ASAP3: variants seen among roughly 807,000 people sequenced by gnomAD.
ASAP3 encodes the protein arf-GAP with SH3 domain, ANK repeat and PH domain-containing protein 3.
A neutral mutation model predicts 118.2 loss-of-function variants in ASAP3; 85 were observed. The ratio of observed to expected loss-of-function variants is 0.72; its 90% CI spans 0.60 to 0.86. The LOEUF (loss-of-function observed/expected upper bound fraction) is 0.86. Ranked by LOEUF, ASAP3 falls within the 40% of genes least tolerant of loss-of-function variation. The pLI, the probability that ASAP3 is intolerant of heterozygous loss-of-function variation, is 0.00. For synonymous variants in ASAP3, 432 were observed against 477.4 expected, an observed-to-expected ratio of 0.90 and a Z score of 1.24; for missense variants, 1,026 against 1,175.0, an observed-to-expected ratio of 0.87 and a Z score of 1.85.
At chr1:23,464,659 T>TAAAAAAAAAAAA (rs57655847) in intron 1 of ASAP3, among the ~76,000 whole-genome samples, 3 of 47,096 alleles carry the variant, frequency 6.4e-5, no homozygotes, top group African/African-American at 3.1e-4. Context: ...GACACTGTCT[T>TAAAAAAAAAAAA]AAAAAAAAAA....
intron 1 of ASAP3, among the ~76,000 whole-genome samples, chr1:23,464,765 C>T (rs1487093981): frequency 6.6e-6 from 1 of 150,812 alleles, no homozygotes; most frequent in Non-Finnish European, 1.5e-5. Context: ...GGGCCCTCAA[C>T]CAGCAGCAGG....
In ASAP3 at chr1:23,437,067, C is replaced by A. The variant is rs939161639; in HGVS notation, c.1343-23G>T. The A allele has an allele frequency of 1.2e-6, 2 of 1,604,684 alleles. No homozygotes were observed. Among genetic ancestry groups the A allele is most frequent in the Non-Finnish European group, 1.7e-6 (2 of 1,175,576 alleles). Reference sequence around the variant, plus strand: ...GGTCTGCAGAGGAAAGCAGCTGGAGCCTGGAGGTGCAGCCCCTCCCCTCCA... The same window carrying A: ...GGTCTGCAGAGGAAAGCAGCTGGAGACTGGAGGTGCAGCCCCTCCCCTCCA... On this transcript the variant is annotated intron_variant, in intron 14 of 24. Transcript: ENST00000336689. The surrounding 1 kb of genome is among the most constrained non-coding windows in gnomAD (Gnocchi z 6.1).
In ASAP3 at chr1:23,438,189, G is replaced by A. The variant is rs1430945590; in HGVS notation, c.1102+558C>T. On this transcript the variant is annotated intron_variant, in intron 12 of 24. Coordinates refer to ENST00000336689, the MANE Select transcript of ASAP3 (RefSeq NM_017707.4). This position sits in a 1 kb window ranked among gnomAD's most constrained non-coding sequence, Gnocchi z 4.9. ...ACTGTCTCCTCCAGGAGCCTTTCCT[G>A]ATTCCCCACAGCAGTGCAGGCCTTC... Among the ~76,000 whole-genome samples, 14 of 152,096 alleles carry A rather than the reference G, an allele frequency of 9.2e-5. No individual in the cohort carries two copies. The highest frequency in any genetic ancestry group is 1.5e-5 in the Non-Finnish European group (1 of 68,028).
chr1:23,468,953 C>T (rs1397011193), intron 1 of ASAP3, among the ~76,000 whole-genome samples: 1 of 119,416 alleles, frequency 8.4e-6, no homozygotes, highest in East Asian at 2.5e-4. Context: ...TGATAAAGTA[C>T]AAAAAAAAAA....
intron 1 of ASAP3, among the ~76,000 whole-genome samples, chr1:23,470,426 G>A (rs1641923391): frequency 6.6e-6 from 1 of 152,162 alleles, no homozygotes; most frequent in Non-Finnish European, 1.5e-5. Context: ...ATACCAAGGT[G>A]GCCCTTGGCC....
Position 23,442,677 on chromosome 1 carries a change from G to T in ASAP3, c.474-65C>A, listed in dbSNP as rs754352740. On this transcript the variant is annotated intron_variant, in intron 5 of 24. Coordinates refer to ENST00000336689, the MANE Select transcript of ASAP3 (RefSeq NM_017707.4). ...AGCCCCTATATCCTCTTCTGCCAAG[G>T]ATGCATGAGCAAAGGGGCCACATGG... The T allele has an allele frequency of 5.1e-6, 8 of 1,566,866 alleles. No individual in the cohort carries two copies. The South Asian group carries it at 9.4e-5, about 18-fold the overall frequency.
chr1:23,461,249 T>C (rs1478750221), intron 1 of ASAP3, among the ~76,000 whole-genome samples: 1 of 152,228 alleles, frequency 6.6e-6, no homozygotes, highest in Admixed American at 6.5e-5. Flanking sequence ...GAAACAAATG[T>C]ACCACTCTGG....
intron 17 of ASAP3, among the ~76,000 whole-genome samples, chr1:23,435,524 T>G (rs1248861902): frequency 6.6e-6 from 1 of 152,258 alleles, no homozygotes; most frequent in East Asian, 1.9e-4. Flanking sequence ...TAACGTTTAT[T>G]GCATGCCCAT....
chr1:23,430,054 G>A, intron 24 of ASAP3, 124 bp from the exon 25 acceptor site: 5 of 857,694 alleles, frequency 5.8e-6, no homozygotes. Context: ...TACAGACAAA[G>A]AAACTGAGGC....
chr1:23,450,813 T>TGGGCAGA (rs748926384), intron 5 of ASAP3, among the ~76,000 whole-genome samples: 157 of 152,342 alleles, frequency 1.0e-3, no homozygotes, highest in Admixed American at 2.4e-3. Context: ...TGGGCCTGGC[T>TGGGCAGA]GGGCAGAGGG....
At chr1:23,476,870 GT>G (rs746892775) in intron 1 of ASAP3, among the ~76,000 whole-genome samples, 251 of 146,038 alleles carry the variant, frequency 1.7e-3, no homozygotes, top group South Asian at 0.012. Flanking sequence ...CTCCTTTTTA[GT>G]TTTTTTTTTT....
At chr1:23,449,658 T>C (rs978233442) in intron 5 of ASAP3, among the ~76,000 whole-genome samples, 3 of 152,128 alleles carry the variant, frequency 2.0e-5, no homozygotes. Context: ...GGCTCCATGG[T>C]GGGAGCCAGG....
At chr1:23,457,461 G>C (rs911194792) in intron 1 of ASAP3, among the ~76,000 whole-genome samples, 4 of 152,210 alleles carry the variant, frequency 2.6e-5, no homozygotes, top group Admixed American at 1.3e-4. Context: ...CTGGAGGAAG[G>C]GGGGTCTAGT....
chr1:23,474,377 TCTC>T (rs1570411330), intron 1 of ASAP3, among the ~76,000 whole-genome samples: 1 of 152,016 alleles, frequency 6.6e-6, no homozygotes. Flanking sequence ...GAGCACCCCT[TCTC>T]CTCGGAACAC....
intron 10 of ASAP3, among the ~76,000 whole-genome samples, chr1:23,439,701 T>TA (rs1264912477): frequency 4.0e-5 from 6 of 151,816 alleles, no homozygotes; most frequent in African/African-American, 1.5e-4. Flanking sequence ...CTGTAACAGG[T>TA]AAATATTCAT....
chr1:23,444,916 C>T (rs186724519), intron 5 of ASAP3, among the ~76,000 whole-genome samples: 2 of 151,194 alleles, frequency 1.3e-5, no homozygotes, highest in African/African-American at 4.9e-5. Context: ...AGCATCCCCC[C>T]AGCTGTGACA....
chr1:23,442,468 C>A, intron 6 of ASAP3, 33 bp downstream of exon 6: 3 of 1,604,980 alleles, frequency 1.9e-6, no homozygotes, highest in Non-Finnish European at 2.6e-6. Flanking sequence ...ACACATCCCA[C>A]GCCCCCCCTC....
Position 23,474,243 on chromosome 1 carries a change from C to T in ASAP3, c.129+9762G>A, listed in dbSNP as rs146567916. Among the ~76,000 whole-genome samples the T allele has an allele frequency of 5.6e-3, 852 of 152,236 alleles. 4 individuals are homozygous for T. Among genetic ancestry groups the T allele is most frequent in the Non-Finnish European group, 0.01 (683 of 68,000 alleles). On this transcript the variant is annotated intron_variant, in intron 1 of 24. Transcript: ENST00000336689. ...TTAGTCCCCCAAACTGCTGGGATTA[C>T]AGGCGTGAGCCATAAATCTGCTCTT...
At chr1:23,431,391 G>T (rs540967652) in intron 23 of ASAP3, among the ~76,000 whole-genome samples, 3 of 152,344 alleles carry the variant, frequency 2.0e-5, no homozygotes, top group African/African-American at 7.2e-5. Context: ...TGGGTTGGAG[G>T]TGGGGACAGA....
Sources: gnomAD v4.1 joint callset for allele counts (sites outside exome capture counted in the v4.1 genomes callset) on GRCh38, gnomAD v4.1.1 for gene constraint, Gnocchi (gnomAD v3.1) non-coding constraint, MANE v1.5 for transcripts, NCBI Gene and HGNC (gene_info 2026-07-23, HGNC 2026-07-21) for gene names.